SLC25A21: variants seen among roughly 807,000 people sequenced by gnomAD.
The protein encoded by SLC25A21 is mitochondrial 2-oxodicarboxylate carrier.
Under a neutral mutation model 43.8 loss-of-function variants are expected in SLC25A21, and 47 were observed. That is an observed-to-expected ratio of 1.07 (90% CI 0.85 to 1.37). SLC25A21 has a LOEUF of 1.37. Among genes scored for constraint, SLC25A21 ranks in the 40% most tolerant of loss-of-function variants. The probability of loss-of-function intolerance (pLI) is 0.00; values close to 1 mark genes in which losing one functional copy is unlikely to be tolerated. For missense variants in SLC25A21, 352 were observed against 350.2 expected (o/e 1.00, Z -0.04); for synonymous variants, 131 against 121.3 (o/e 1.08, Z -0.52).
chr14:36,763,201 T>A (rs918718047), intron 3 of SLC25A21, among the ~76,000 whole-genome samples: 5 of 152,236 alleles, frequency 3.3e-5, no homozygotes, highest in African/African-American at 9.6e-5. Flanking sequence ...GATTCTGAGA[T>A]AGTATTTAAT....
intron 3 of SLC25A21, among the ~76,000 whole-genome samples, chr14:36,755,552 C>T (rs1231509959): frequency 6.6e-6 from 1 of 152,134 alleles, no homozygotes; most frequent in Non-Finnish European, 1.5e-5. Context: ...ACAGCTCACA[C>T]ACTTGGATGC....
At chr14:36,820,886 C>T (rs920147813) in intron 2 of SLC25A21, among the ~76,000 whole-genome samples, 1 of 152,154 alleles carries the variant, frequency 6.6e-6, no homozygotes, top group East Asian at 1.9e-4. Context: ...CCTCAATAAA[C>T]ACTTGAGAAG....
At chr14:36,960,061 C>A (rs1308513792) in intron 1 of SLC25A21, among the ~76,000 whole-genome samples, 2 of 152,186 alleles carry the variant, frequency 1.3e-5, no homozygotes, top group African/African-American at 4.8e-5. Context: ...ATGAAACCCA[C>A]AAAAGCCTAC....
chr14:36,982,175 G>A (rs2138701009), intron 1 of SLC25A21, among the ~76,000 whole-genome samples: 1 of 152,232 alleles, frequency 6.6e-6, no homozygotes, highest in African/African-American at 2.4e-5. Context: ...ACAGATTTCA[G>A]AATAGAATCA....
intron 1 of SLC25A21, among the ~76,000 whole-genome samples, chr14:36,942,177 CTAA>C (rs1335254432): frequency 6.6e-6 from 1 of 152,050 alleles, no homozygotes. Context: ...CTAGCTGTTT[CTAA>C]TGACTTAAAT....
intron 1 of SLC25A21, among the ~76,000 whole-genome samples, chr14:37,163,136 A>C (rs1373625480): frequency 7.6e-6 from 1 of 131,804 alleles, no homozygotes; most frequent in Non-Finnish European, 1.6e-5. Flanking sequence ...CTCTGGGGAC[A>C]GTTGTGGGGT....
intron 2 of SLC25A21, among the ~76,000 whole-genome samples, chr14:36,868,171 G>T (rs190219081): frequency 6.6e-6 from 1 of 152,296 alleles, no homozygotes; most frequent in African/African-American, 2.4e-5. Context: ...TGAACCGCTG[G>T]AGAGTATGAA....
intron 1 of SLC25A21, among the ~76,000 whole-genome samples, chr14:36,891,553 G>A (rs1396833898): frequency 6.6e-6 from 1 of 152,064 alleles, no homozygotes; most frequent in Non-Finnish European, 1.5e-5. Context: ...GTATATATAG[G>A]CAACATGCAA....
At chr14:36,927,176 A>T (rs182406260) in intron 1 of SLC25A21, among the ~76,000 whole-genome samples, 10 of 152,322 alleles carry the variant, frequency 6.6e-5, no homozygotes, top group Admixed American at 5.9e-4. Context: ...TCTTAAAACA[A>T]AAGAAAAATT....
chr14:36,751,731 T>C (rs1159078151), intron 3 of SLC25A21, among the ~76,000 whole-genome samples: 3 of 152,226 alleles, frequency 2.0e-5, no homozygotes, highest in African/African-American at 4.8e-5. Flanking sequence ...ATAGTAAACA[T>C]ACTTCAATTT....
At chr14:36,863,115 C>T (rs1476355760) in intron 2 of SLC25A21, among the ~76,000 whole-genome samples, 2 of 151,920 alleles carry the variant, frequency 1.3e-5, no homozygotes, top group African/African-American at 2.4e-5. Flanking sequence ...GATAAGAAGG[C>T]CATTTAAGAA....
At chr14:36,740,361 A>C (rs970724183) in intron 3 of SLC25A21, among the ~76,000 whole-genome samples, 3 of 152,126 alleles carry the variant, frequency 2.0e-5, no homozygotes, top group African/African-American at 7.2e-5. Context: ...CACAGCAAAT[A>C]TGAGGAGGGG....
chr14:37,021,721 G>A (rs1389917958), intron 1 of SLC25A21, among the ~76,000 whole-genome samples: 1 of 151,884 alleles, frequency 6.6e-6, no homozygotes, highest in Non-Finnish European at 1.5e-5. Flanking sequence ...TTTGGTATCA[G>A]AATAAGTTTC....
At position 37,172,293 on chromosome 14, in the gene SLC25A21, C is replaced by A; in HGVS notation, c.58G>T (p.Gly20Cys). Residue 20 changes from glycine (G) to cysteine (C), a missense_variant, in exon 1 of 10, where the codon GGT (glycine) becomes TGT (cysteine). Physicochemically the swap from Gly to Cys is radical, Grantham distance 159. Coordinates refer to ENST00000331299, the MANE Select transcript of SLC25A21 (RefSeq NM_030631.4). ...GGGCTGTCCTTACCTGCAGAACCAC[C>A]GGCCACGATCTGCCGAGAAGCCTCG... Reference protein sequence around the residue: ...VREASRQIVAGGSAGLVEICL... With the variant: ...VREASRQIVACGSAGLVEICL... 6.3e-7 allele frequency: 1 copy of A among 1,598,608 alleles called. No homozygotes were observed. Among genetic ancestry groups the A allele is most frequent in the South Asian group, 1.1e-5 (1 of 88,266 alleles).
intron 1 of SLC25A21, among the ~76,000 whole-genome samples, chr14:36,943,049 G>A (rs1006397506): frequency 1.3e-5 from 2 of 152,126 alleles, no homozygotes; most frequent in Non-Finnish European, 2.9e-5. Flanking sequence ...GAGCAAAGGC[G>A]GAATTACTAC....
intron 1 of SLC25A21, among the ~76,000 whole-genome samples, chr14:36,882,264 T>C (rs1890754646): frequency 6.6e-6 from 1 of 152,142 alleles, no homozygotes; most frequent in Non-Finnish European, 1.5e-5. Context: ...GCACCTGTAG[T>C]CCCAGCTACT....
At chr14:36,718,026 T>C (rs1372593379) in intron 6 of SLC25A21, among the ~76,000 whole-genome samples, 1 of 152,120 alleles carries the variant, frequency 6.6e-6, no homozygotes, top group African/African-American at 2.4e-5. Flanking sequence ...AAGTATTATG[T>C]TAATAATTTA....
At chr14:36,990,127 G>A (rs1334355883) in intron 1 of SLC25A21, among the ~76,000 whole-genome samples, 2 of 152,076 alleles carry the variant, frequency 1.3e-5, no homozygotes, top group Non-Finnish European at 1.5e-5. Context: ...GGGTACACAC[G>A]ACACCTAAGT....
intron 1 of SLC25A21, among the ~76,000 whole-genome samples, chr14:37,009,379 A>T (rs1231690806): frequency 6.6e-6 from 1 of 152,000 alleles, no homozygotes; most frequent in African/African-American, 2.4e-5. Flanking sequence ...CCAGCTACTC[A>T]AGAGGCTGAG....
Sources: allele counts gnomAD v4.1 joint callset (sites outside exome capture counted in the v4.1 genomes callset), GRCh38; gene constraint gnomAD v4.1.1; transcripts MANE v1.5; gene names NCBI Gene and HGNC (gene_info 2026-07-23, HGNC 2026-07-21).